The following GARNL3 variants were observed in gnomAD, a reference collection of about 807,000 sequenced individuals.
GARNL3 encodes GTPase activating Rap/RanGAP domain like 3, also known as GTPase-activating Rap/Ran-GAP domain-like protein 3.
Under a neutral mutation model 125.0 loss-of-function variants are expected in GARNL3, and 63 were observed. The ratio of observed to expected loss-of-function variants is 0.50; its 90% CI spans 0.41 to 0.62. The LOEUF is 0.62. GARNL3 is among the 20% of genes least tolerant of loss of function. The pLI is 0.00. For missense variants in GARNL3, 994 were observed against 1,244.0 expected (o/e 0.80, Z 3.02); for synonymous variants, 439 against 457.5 (o/e 0.96, Z 0.52).
Position 127,342,330 on chromosome 9 carries a change from A to G in GARNL3, c.1247A>G (p.His416Arg), listed in dbSNP as rs764918188. Reference protein sequence around the residue: ...SLHQDLMPDLHKNMLNRRSFS... With the variant: ...SLHQDLMPDLRKNMLNRRSFS... ...CACCAGGATTTGATGCCAGATTTGCATAAGGTAATTCTGGGTCCATGGTCT... is the reference window on the plus strand; with the variant it reads ...CACCAGGATTTGATGCCAGATTTGCGTAAGGTAATTCTGGGTCCATGGTCT... Residue 416 changes from histidine to arginine, a missense_variant, in exon 14 of 28, where the codon CAT (histidine) becomes CGT (arginine). His to Arg is a conservative substitution (Grantham distance 29). This residue lies in a region of GARNL3 where 728 missense variants were observed against 865.7 expected (regional missense o/e 0.84). Transcript: ENST00000373387. The G allele has an allele frequency of 3.8e-6, 6 of 1,590,182 alleles. No individual in the cohort carries two copies. Among genetic ancestry groups the G allele is most frequent in the African/African-American group, 2.7e-5 (2 of 74,416 alleles).
rs763261413 is a variant in GARNL3 at position 127,365,328 on chromosome 9, A to G, written c.2123A>G (p.Tyr708Cys). 1.4e-5 allele frequency: 23 copies of G among 1,613,920 alleles called. No individual in the cohort carries two copies. Among genetic ancestry groups the G allele is most frequent in the Non-Finnish European group, 1.8e-5 (21 of 1,179,900 alleles). ...RVNFVAAIDV[Y>C]EDGEAGLLLC... ...AATTTTGTTGCAGCTATTGATGTGT[A>G]CGAAGATGGAGAAGCTGGTTTGCTG... Residue 708 changes from tyrosine (Y) to cysteine (C), a missense_variant, in exon 22 of 28, where the codon TAC becomes TGC. By Grantham distance (194) the Tyr-to-Cys change is radical (BLOSUM62 -2). Transcript: ENST00000373387.
chr9:127,313,571 G>A lies in GARNL3; in HGVS notation c.438+12G>A, dbSNP rs1404031717. On this transcript the variant is annotated intron_variant, in intron 4 of 27. Transcript: ENST00000373387. Reference sequence around the variant, plus strand: ...TTTGGAGAAAAACAGTAAGTATATGGCTCACACTTGAAGCAAAATTTATGC... The same window carrying A: ...TTTGGAGAAAAACAGTAAGTATATGACTCACACTTGAAGCAAAATTTATGC... The A allele has an allele frequency of 7.0e-6, 11 of 1,570,148 alleles. No individual in the cohort carries two copies. Among genetic ancestry groups the A allele is most frequent in the African/African-American group, 1.3e-5 (1 of 74,124 alleles).
chr9:127,335,873 G>T (rs1829525133), intron 10 of GARNL3, among the ~76,000 whole-genome samples: 1 of 152,030 alleles, frequency 6.6e-6, no homozygotes, highest in Admixed American at 6.6e-5. Context: ...GATGTACCAG[G>T]CTGGGAAAAA....
intron 1 of GARNL3, among the ~76,000 whole-genome samples, chr9:127,232,546 T>C (rs2063037772): frequency 6.6e-6 from 1 of 152,172 alleles, no homozygotes. Context: ...TAGGCTCAAG[T>C]GATCCTTCCA....
intron 2 of GARNL3, among the ~76,000 whole-genome samples, chr9:127,308,276 G>A (rs969820368): frequency 1.3e-5 from 2 of 152,174 alleles, no homozygotes; most frequent in African/African-American, 4.8e-5. Flanking sequence ...TGCATACCCT[G>A]AATCTAACTG....
chr9:127,326,073 A>G lies in GARNL3; in HGVS notation c.594+978A>G, dbSNP rs542468667. Reference sequence around the variant, plus strand: ...TCTTCCATCTCCTCAGAAAGAGCCTATAGTTCCCACTGCTGGGGATGCTTG... The same window carrying G: ...TCTTCCATCTCCTCAGAAAGAGCCTGTAGTTCCCACTGCTGGGGATGCTTG... On this transcript the variant is annotated intron_variant, in intron 7 of 27. Transcript: ENST00000373387. Among the ~76,000 whole-genome samples the G allele has an allele frequency of 2.3e-4, 35 of 152,290 alleles. 1 individual carries two copies. The South Asian group carries it at 6.8e-3, about 30-fold the overall frequency.
chr9:127,250,949 C>T (rs1195984714), intron 2 of GARNL3, among the ~76,000 whole-genome samples: 2 of 152,098 alleles, frequency 1.3e-5, no homozygotes, highest in Non-Finnish European at 2.9e-5. Context: ...CATTTTTCCT[C>T]AAGGAGGTTA....
chr9:127,359,634 G>T (rs1830878633), intron 21 of GARNL3, among the ~76,000 whole-genome samples: 1 of 152,188 alleles, frequency 6.6e-6, no homozygotes, highest in African/African-American at 2.4e-5. Context: ...GCCAGCTTTT[G>T]CTAGTGGAAA....
intron 7 of GARNL3, among the ~76,000 whole-genome samples, chr9:127,330,800 C>A (rs1378870471): frequency 1.3e-5 from 2 of 152,118 alleles, no homozygotes; most frequent in African/African-American, 4.8e-5. Flanking sequence ...TGGAAGAGTT[C>A]CAGGTGGAGG....
chr9:127,350,419 T>C (rs1017565799), intron 17 of GARNL3, among the ~76,000 whole-genome samples: 12 of 152,292 alleles, frequency 7.9e-5, no homozygotes, highest in African/African-American at 2.9e-4. Flanking sequence ...GGTTGGCACA[T>C]AGTAGTAACT....
intron 3 of GARNL3, among the ~76,000 whole-genome samples, chr9:127,313,148 G>A (rs2065139825): frequency 6.6e-6 from 1 of 152,166 alleles, no homozygotes; most frequent in Non-Finnish European, 1.5e-5. Flanking sequence ...CAGGTCCAGA[G>A]GAAGAAGAAG....
chr9:127,235,484 T>A (rs1537358), intron 1 of GARNL3, among the ~76,000 whole-genome samples: 5 of 151,880 alleles, frequency 3.3e-5, no homozygotes, highest in African/African-American at 7.3e-5. Flanking sequence ...TTTATTAGTC[T>A]GAAAGGTAAC....
intron 2 of GARNL3, among the ~76,000 whole-genome samples, chr9:127,296,376 T>C (rs2064590373): frequency 6.6e-6 from 1 of 152,012 alleles, no homozygotes; most frequent in Non-Finnish European, 1.5e-5. Context: ...ATCCATATTT[T>C]CAGTACCTCA....
At chr9:127,322,361 A>G (rs1588852361) in intron 6 of GARNL3, among the ~76,000 whole-genome samples, 1 of 151,412 alleles carries the variant, frequency 6.6e-6, no homozygotes, top group Non-Finnish European at 1.5e-5. Flanking sequence ...GGCAGAGCTC[A>G]CCTCTGCTCA....
intron 15 of GARNL3, 59 bp from the exon 16 acceptor site, chr9:127,345,344 T>C: frequency 9.3e-7 from 1 of 1,070,554 alleles, no homozygotes; most frequent in Non-Finnish European, 1.4e-6. Context: ...ATCACAATTG[T>C]TTATCCTGCT....
chr9:127,342,173 G>T, intron 13 of GARNL3, 46 bp from the exon 14 acceptor site: 1 of 1,095,650 alleles, frequency 9.1e-7, no homozygotes, highest in Non-Finnish European at 1.4e-6. Context: ...TTGTGTGTGT[G>T]TCAAGAGATA....
Position 127,247,957 on chromosome 9 carries a change from C to G in GARNL3, c.143+4708C>G, listed in dbSNP as rs576664973. On this transcript the variant is annotated intron_variant, in intron 2 of 10. Transcript: ENST00000439286. Reference sequence around the variant, plus strand: ...CTATCCTTCCCAGCCTCTGGTAGCCCTCCTCCTACTCTCTATCTCCATGAG... The same window carrying G: ...CTATCCTTCCCAGCCTCTGGTAGCCGTCCTCCTACTCTCTATCTCCATGAG... 7.3e-4 allele frequency among the ~76,000 whole-genome samples: 111 copies of G among 152,276 alleles called. 2 individuals are homozygous for G. The South Asian group carries it at 0.023, about 31-fold the overall frequency.
chr9:127,299,447 C>T (rs2064714813), intron 2 of GARNL3, among the ~76,000 whole-genome samples: 1 of 152,302 alleles, frequency 6.6e-6, no homozygotes, highest in South Asian at 2.1e-4. Context: ...AAACAAGCAG[C>T]CTTGTGCAAT....
chr9:127,323,757 C>T (rs2065476231), intron 6 of GARNL3, among the ~76,000 whole-genome samples: 1 of 151,628 alleles, frequency 6.6e-6, no homozygotes, highest in Non-Finnish European at 1.5e-5. Context: ...CTGCACCCCC[C>T]CATAAATATA....
Sources: allele counts gnomAD v4.1 joint callset (sites outside exome capture counted in the v4.1 genomes callset), GRCh38; gene constraint gnomAD v4.1.1; regional missense constraint gnomAD v4.1.1; transcripts MANE v1.5; gene names NCBI Gene and HGNC (gene_info 2026-07-23, HGNC 2026-07-21).